SLC31A1: variants seen among roughly 807,000 people sequenced by gnomAD.
The protein encoded by SLC31A1 is solute carrier family 31 member 1, also known as high affinity copper uptake protein 1.
Under a neutral mutation model 17.2 loss-of-function variants are expected in SLC31A1, and 5 were observed. The ratio of observed to expected loss-of-function variants is 0.29; its 90% CI spans 0.15 to 0.61. The LOEUF (loss-of-function observed/expected upper bound fraction) is 0.61, where lower values mean the gene tolerates loss of function less well. Ranked by LOEUF, SLC31A1 falls within the 20% of genes least tolerant of loss-of-function variation. The probability of loss-of-function intolerance (pLI) is 0.86; values close to 1 mark genes in which losing one functional copy is unlikely to be tolerated. For missense variants in SLC31A1, 161 were observed against 241.4 expected (o/e 0.67, Z 2.21); for synonymous variants, 76 against 78.8 (o/e 0.96, Z 0.19).
At chr9:113,247,754 G>A (rs1456591811) in intron 1 of SLC31A1, among the ~76,000 whole-genome samples, 1 of 152,110 alleles carries the variant, frequency 6.6e-6, no homozygotes, top group African/African-American at 2.4e-5. Context: ...AGAGGGGAAA[G>A]CAACAGAAGT....
rs1042784982 is a variant in SLC31A1 at position 113,235,860 on chromosome 9, ATTGT to A, written c.-36+14185_-36+14188del. Among the ~76,000 whole-genome samples, 77 of 152,290 alleles carry A rather than the reference ATTGT, an allele frequency of 5.1e-4. 1 individual carries two copies. Among genetic ancestry groups the A allele is most frequent in the African/African-American group, 1.7e-3 (71 of 41,566 alleles). On this transcript the variant is annotated intron_variant, in intron 1 of 4. Transcript: ENST00000374212. Reference sequence around the variant, plus strand: ...GGCAAGGTGCCTCTCAGAGCAGATGATTGTTTAAGATTGGTTCTGGAAAGTAATA... The same window carrying A: ...GGCAAGGTGCCTCTCAGAGCAGATGATTAAGATTGGTTCTGGAAAGTAATA...
rs1342443613 is a variant in SLC31A1 at position 113,263,523 on chromosome 9, C to T, written c.*3050C>T. The T allele has an allele frequency of 6.6e-6, 1 of 152,574 alleles. No homozygotes were observed. Among genetic ancestry groups the T allele is most frequent in the South Asian group, 2.1e-4 (1 of 4,834 alleles). The allele number at this position is 152,574 out of a possible 1,614,324, so 9.5% of individuals were successfully genotyped here. On this transcript the variant is annotated 3_prime_UTR_variant, in exon 5 of 5. Coordinates refer to ENST00000374212, the MANE Select transcript of SLC31A1 (RefSeq NM_001859.4). ...AGACTGCATCACCATTTCTTTGGCC[C>T]CCTTACTCTGTTGTCCTTTCCCTTT...
intron 1 of SLC31A1, among the ~76,000 whole-genome samples, chr9:113,229,798 A>G (rs1831382794): frequency 6.6e-6 from 1 of 152,218 alleles, no homozygotes; most frequent in South Asian, 2.1e-4. Flanking sequence ...CTTAATTTTT[A>G]TCTCTTACTA....
At chr9:113,229,320 C>G (rs934423475) in intron 1 of SLC31A1, among the ~76,000 whole-genome samples, 2 of 152,168 alleles carry the variant, frequency 1.3e-5, no homozygotes, top group African/African-American at 4.8e-5. Context: ...TGTTGTTTCC[C>G]CCCAACTCCC....
chr9:113,233,432 A>G (rs72758255), intron 1 of SLC31A1, among the ~76,000 whole-genome samples: 4,814 of 152,346 alleles, frequency 0.032, 126 homozygotes, highest in Non-Finnish European at 0.048. Context: ...TCAGCTGGGA[A>G]CAAATGTAAA....
chr9:113,259,339 G>C (rs977132384), intron 4 of SLC31A1, among the ~76,000 whole-genome samples: 3 of 152,108 alleles, frequency 2.0e-5, no homozygotes, highest in African/African-American at 7.2e-5. Flanking sequence ...TGTTTTTTGA[G>C]ATTGTTTTAA....
At chr9:113,226,509 T>C (rs1458260370) in intron 1 of SLC31A1, among the ~76,000 whole-genome samples, 1 of 152,116 alleles carries the variant, frequency 6.6e-6, no homozygotes, top group Non-Finnish European at 1.5e-5. Context: ...AATATCATTT[T>C]ATGATTTAGG....
chr9:113,240,634 A>G (rs1340423830), intron 1 of SLC31A1, among the ~76,000 whole-genome samples: 5 of 152,238 alleles, frequency 3.3e-5, no homozygotes, highest in South Asian at 2.1e-4. Context: ...ATTTTTGTGC[A>G]TGATAAATGT....
intron 1 of SLC31A1, among the ~76,000 whole-genome samples, chr9:113,233,842 T>A (rs1831425652): frequency 6.6e-6 from 1 of 152,260 alleles, no homozygotes; most frequent in Non-Finnish European, 1.5e-5. Context: ...AATTAATAAT[T>A]GCACAATGTA....
intron 1 of SLC31A1, among the ~76,000 whole-genome samples, chr9:113,253,645 C>T (rs989573763): frequency 5.3e-5 from 8 of 150,432 alleles, no homozygotes; most frequent in African/African-American, 2.0e-4. Flanking sequence ...ACCTCCGCCT[C>T]CCAGGTTTGA....
chr9:113,225,748 A>G (rs1287639267), intron 1 of SLC31A1, among the ~76,000 whole-genome samples: 1 of 152,232 alleles, frequency 6.6e-6, no homozygotes, highest in African/African-American at 2.4e-5. Context: ...AAGTCTTGGT[A>G]GAGAAGGACT....
chr9:113,260,944 A>G lies in SLC31A1; in HGVS notation c.*471A>G, dbSNP rs778809559. Reference sequence around the variant, plus strand: ...GGGAAATTCTTGCCCAACTAAACCCAGAACTCAAACTTAACATTAGAAAAT... The same window carrying G: ...GGGAAATTCTTGCCCAACTAAACCCGGAACTCAAACTTAACATTAGAAAAT... On this transcript the variant is annotated 3_prime_UTR_variant, in exon 5 of 5. Transcript: ENST00000374212. 1.8e-5 allele frequency: 5 copies of G among 282,896 alleles called. No individual in the cohort carries two copies. The highest frequency in any genetic ancestry group is 2.7e-5 in the Non-Finnish European group (4 of 145,774). 17.5% of individuals were successfully genotyped at this position (282,896 alleles called of 1,614,324 possible).
At chr9:113,250,691 CAA>C (rs74410113) in intron 1 of SLC31A1, among the ~76,000 whole-genome samples, 3 of 133,384 alleles carry the variant, frequency 2.2e-5, no homozygotes, top group African/African-American at 2.8e-5. Context: ...AAAAAAACTT[CAA>C]AAAAAAAAAA....
At chr9:113,221,716 C>G (rs1831273396) in intron 1 of SLC31A1, 38 bp downstream of exon 1, 1 of 271,470 alleles carries the variant, frequency 3.7e-6, no homozygotes, top group Non-Finnish European at 7.4e-6. Context: ...CACCCCTGTG[C>G]ATGGGTACCG....
intron 1 of SLC31A1, among the ~76,000 whole-genome samples, chr9:113,230,593 A>G (rs950934100): frequency 5.3e-5 from 8 of 152,174 alleles, no homozygotes; most frequent in Admixed American, 1.3e-4. Context: ...ATAATTGTAC[A>G]TATTTATGGG....
chr9:113,252,952 TTC>T (rs1491402093), intron 1 of SLC31A1, among the ~76,000 whole-genome samples: 2,090 of 92,150 alleles, frequency 0.023, 94 homozygotes, highest in African/African-American at 0.094. Context: ...TTTTCTTTTT[TTC>T]TTTTTTTTTT....
intron 1 of SLC31A1, among the ~76,000 whole-genome samples, chr9:113,251,545 C>T (rs1831653788): frequency 6.6e-6 from 1 of 152,096 alleles, no homozygotes; most frequent in South Asian, 2.1e-4. Context: ...ATTAAAGCTA[C>T]CAAAGGAAAC....
intron 1 of SLC31A1, among the ~76,000 whole-genome samples, chr9:113,245,593 G>A (rs541881528): frequency 5.3e-5 from 8 of 151,196 alleles, no homozygotes; most frequent in South Asian, 2.1e-4. Context: ...GAGCTACTAC[G>A]TTTTTTCCAA....
rs989644271 is a variant in SLC31A1 at position 113,229,931 on chromosome 9, A to G, written c.-36+8253A>G. Among the ~76,000 whole-genome samples the G allele has an allele frequency of 6.6e-5, 10 of 152,246 alleles. No individual in the cohort carries two copies. The South Asian group carries it at 1.4e-3, about 22-fold the overall frequency. On this transcript the variant is annotated intron_variant, in intron 1 of 4. Coordinates refer to ENST00000374212, the MANE Select transcript of SLC31A1 (RefSeq NM_001859.4). ...GTAGATTTTTCTATTGCTTTTCAGT[A>G]TAATACTATTCAAGCTATTTGCAAG... is the stretch of plus-strand genomic sequence containing the variant.
Sources: gnomAD v4.1 joint callset for allele counts (sites outside exome capture counted in the v4.1 genomes callset) on GRCh38, gnomAD v4.1.1 for gene constraint, MANE v1.5 for transcripts, NCBI Gene and HGNC (gene_info 2026-07-23, HGNC 2026-07-21) for gene names.